Variants in LRP2 observed in about 807,000 individuals in gnomAD.
LRP2 encodes the protein low-density lipoprotein receptor-related protein 2.
A neutral mutation model predicts 531.0 loss-of-function variants in LRP2; 172 were observed. The ratio of observed to expected loss-of-function variants is 0.32; its 90% CI spans 0.29 to 0.37. The LOEUF (loss-of-function observed/expected upper bound fraction) is 0.37. Ranked by LOEUF, LRP2 falls within the 10% of genes least tolerant of loss-of-function variation. LRP2 has a pLI of 1.00. For synonymous variants in LRP2, 1,992 were observed against 2,027.6 expected (o/e 0.98, Z 0.47); for missense variants, 5,167 against 5,868.3 (o/e 0.88, Z 3.90).
intron 13 of LRP2, among the ~76,000 whole-genome samples, chr2:169,276,891 T>C (rs1683569981): frequency 6.6e-6 from 1 of 151,778 alleles, no homozygotes; most frequent in South Asian, 2.1e-4. Flanking sequence ...AGTAAAAAGA[T>C]GAAAAAAAAT....
At chr2:169,130,045 C>G (rs1324094356) in intron 77 of LRP2, among the ~76,000 whole-genome samples, 5 of 152,200 alleles carry the variant, frequency 3.3e-5, no homozygotes, top group African/African-American at 1.2e-4. Context: ...AAGTGAGAAC[C>G]TGCTTTGTAC....
intron 74 of LRP2, 48 bp downstream of exon 74, chr2:169,139,203 T>G: frequency 6.2e-7 from 1 of 1,613,930 alleles, no homozygotes; most frequent in Non-Finnish European, 8.5e-7. Flanking sequence ...TGGCTTCATA[T>G]GAATTTCTTA....
At chr2:169,227,156 T>G (rs1689230845) in intron 31 of LRP2, among the ~76,000 whole-genome samples, 1 of 152,230 alleles carries the variant, frequency 6.6e-6, no homozygotes, top group Non-Finnish European at 1.5e-5. Flanking sequence ...CTCTCTTCCC[T>G]ATAAGATTTT....
chr2:169,259,332 A>C, intron 16 of LRP2, 115 bp from the exon 17 acceptor site: 3 of 609,634 alleles, frequency 4.9e-6, no homozygotes, highest in Non-Finnish European at 5.6e-6. Flanking sequence ...TCAGGAACAC[A>C]TGTGGAATTC....
chr2:169,302,433 TG>T (rs1328349791), intron 4 of LRP2, among the ~76,000 whole-genome samples: 4 of 152,086 alleles, frequency 2.6e-5, no homozygotes, highest in Non-Finnish European at 5.9e-5. Context: ...CCTAAATCAG[TG>T]GTTCTCAACT....
At chr2:169,241,724 A>G (rs1448888781) in intron 24 of LRP2, among the ~76,000 whole-genome samples, 1 of 152,240 alleles carries the variant, frequency 6.6e-6, no homozygotes, top group Non-Finnish European at 1.5e-5. Context: ...AAGAATCACC[A>G]GAACATTACA....
intron 1 of LRP2, among the ~76,000 whole-genome samples, chr2:169,322,679 T>C (rs1233272715): frequency 1.3e-5 from 2 of 152,220 alleles, no homozygotes; most frequent in Non-Finnish European, 2.9e-5. Flanking sequence ...CTTTTATCAA[T>C]TAGGTCTATT....
At chr2:169,166,084 C>T in intron 61 of LRP2, 30 bp from the exon 62 acceptor site, 3 of 1,612,514 alleles carry the variant, frequency 1.9e-6, no homozygotes, top group Non-Finnish European at 2.5e-6. Flanking sequence ...AATGAAATTA[C>T]AAGTTAACAG....
At chr2:169,149,328 C>T (rs556431035) in intron 68 of LRP2, among the ~76,000 whole-genome samples, 32 of 152,224 alleles carry the variant, frequency 2.1e-4, no homozygotes, top group Admixed American at 8.5e-4. Flanking sequence ...GATCTTATAC[C>T]GCAGAAGCTG....
At chr2:169,315,099 T>C (rs1228979278) in intron 3 of LRP2, among the ~76,000 whole-genome samples, 1 of 152,192 alleles carries the variant, frequency 6.6e-6, no homozygotes, top group Admixed American at 6.5e-5. Context: ...CATTCAAATG[T>C]AGAGAGCAAA....
rs73035821 is a variant in LRP2 at position 169,360,858 on chromosome 2, T to A, written c.79+1463A>T. On this transcript the variant is annotated intron_variant, in intron 1 of 78. Transcript: ENST00000649046. ...ATGGGTGCTGCTAGGAGTTGCTGTA[T>A]AATTACTTACTTGATTCCCTCTAAG... Among the ~76,000 whole-genome samples, 473 of 152,314 alleles carry A rather than the reference T, an allele frequency of 3.1e-3. 4 individuals are homozygous for A. Among genetic ancestry groups the A allele is most frequent in the African/African-American group, 0.011 (454 of 41,570 alleles).
At chr2:169,187,422 T>C (rs1393959453) in intron 49 of LRP2, among the ~76,000 whole-genome samples, 1 of 152,166 alleles carries the variant, frequency 6.6e-6, no homozygotes, top group Non-Finnish European at 1.5e-5. Context: ...TCAACATACA[T>C]GAAACAATGG....
rs759927855 is a variant in LRP2, at chr2:169,294,288, GA to G, written c.539-28del. On this transcript the variant is annotated intron_variant, in intron 5 of 78. Transcript: ENST00000649046. ...TGCAACAGAAAGTTAAGAAGGGAAA[GA>G]AAAGAGAGAAGTTAACTCCATTGTA... The G allele has an allele frequency of 6.0e-6, 8 of 1,332,032 alleles. No individual in the cohort carries two copies. The Admixed American group carries it at 8.4e-5, about 14-fold the overall frequency. 82.5% of individuals were successfully genotyped at this position (1,332,032 alleles called of 1,614,324 possible). A position where few individuals can be genotyped will look rare whatever the true frequency, so the allele number is the denominator to read the frequency against.
Position 169,174,129 on chromosome 2 carries a change from C to T in LRP2, c.10804G>A (p.Ala3602Thr), listed in dbSNP as rs144081819. The change falls in exon 56 of 79, where the codon GCC becomes ACC. Residue 3602 changes from alanine to threonine, a missense_variant. Coordinates refer to ENST00000649046, the MANE Select transcript of LRP2 (RefSeq NM_004525.3). ...HHCDSNEWQC[A>T]NKRCIPESWQ... ...GATTCTGGGATGCAACGTTTGTTGG[C>T]GCACTGCCATTCATTGGAGTCACAG... The T allele has an allele frequency of 2.0e-3, 3,212 of 1,614,164 alleles. 51 individuals carry two copies. In the African/African-American group the frequency reaches 0.034, roughly 17 times the overall value.
At chr2:169,276,382 A>G (rs909673010) in intron 13 of LRP2, among the ~76,000 whole-genome samples, 14 of 152,146 alleles carry the variant, frequency 9.2e-5, no homozygotes, top group Non-Finnish European at 5.9e-5. Flanking sequence ...TTTATCTTTT[A>G]TGCTTTACTT....
intron 16 of LRP2, among the ~76,000 whole-genome samples, chr2:169,261,442 A>C (rs1444695719): frequency 6.6e-6 from 1 of 151,434 alleles, no homozygotes; most frequent in African/African-American, 2.4e-5. Flanking sequence ...CCTCCCAAGT[A>C]TCTGGCACTA....
chr2:169,191,308 T>C (rs1367001809), intron 48 of LRP2, among the ~76,000 whole-genome samples: 1 of 152,166 alleles, frequency 6.6e-6, no homozygotes, highest in Non-Finnish European at 1.5e-5. Flanking sequence ...TGTGCTGTTA[T>C]TTTTCTTGTA....
At chr2:169,166,149 C>T in intron 61 of LRP2, 95 bp from the exon 62 acceptor site, 4 of 1,254,926 alleles carry the variant, frequency 3.2e-6, no homozygotes, top group Non-Finnish European at 4.6e-6. Flanking sequence ...AGGCTTGCTT[C>T]ATTCATGCAC....
chr2:169,274,500 T>A (rs572278194), intron 14 of LRP2, among the ~76,000 whole-genome samples: 5 of 152,274 alleles, frequency 3.3e-5, no homozygotes, highest in African/African-American at 1.2e-4. Flanking sequence ...TTTCTTTTTT[T>A]AAAATAAGTG....
Sources: allele counts gnomAD v4.1 joint callset (sites outside exome capture counted in the v4.1 genomes callset), GRCh38; gene constraint gnomAD v4.1.1; transcripts MANE v1.5; gene names NCBI Gene and HGNC (gene_info 2026-07-23, HGNC 2026-07-21).